GPR158: variants seen among roughly 807,000 people sequenced by gnomAD.
GPR158 encodes the protein G protein-coupled receptor 158.
Under a neutral mutation model 78.2 loss-of-function variants are expected in GPR158, and 30 were observed. The ratio of observed to expected loss-of-function variants is 0.38; its 90% CI spans 0.29 to 0.52. GPR158 has a LOEUF of 0.52. Among genes scored for constraint, GPR158 ranks in the 20% least tolerant of loss-of-function variants. GPR158 has a pLI of 0.83. For synonymous variants in GPR158, 581 were observed against 591.1 expected, an observed-to-expected ratio of 0.98 and a Z score of 0.25; for missense variants, 1,463 against 1,523.5, an observed-to-expected ratio of 0.96 and a Z score of 0.66.
At chr10:25,300,009 C>G (rs772469778) in intron 2 of GPR158, among the ~76,000 whole-genome samples, 1 of 152,138 alleles carries the variant, frequency 6.6e-6, no homozygotes, top group East Asian at 1.9e-4. Context: ...CCACCCACCT[C>G]GGTCTACCAA....
intron 2 of GPR158, among the ~76,000 whole-genome samples, chr10:25,303,332 A>G (rs774807017): frequency 3.3e-5 from 5 of 152,204 alleles, no homozygotes; most frequent in Admixed American, 6.5e-5. Context: ...GGACATTTCC[A>G]TTAGAAAGCT....
intron 4 of GPR158, among the ~76,000 whole-genome samples, chr10:25,414,056 ATC>A (rs72073818): frequency 0.094 from 14,346 of 152,150 alleles, 762 homozygotes; most frequent in East Asian, 0.17. Flanking sequence ...CTTCTCTGAA[ATC>A]TCTCTGATAT....
At chr10:25,252,143 G>A (rs373443272) in intron 2 of GPR158, among the ~76,000 whole-genome samples, 2 of 151,818 alleles carry the variant, frequency 1.3e-5, no homozygotes, top group East Asian at 1.9e-4. Flanking sequence ...CATAGTTCTC[G>A]AGCCTTGGTT....
chr10:25,228,856 C>T (rs1354296587), intron 2 of GPR158, among the ~76,000 whole-genome samples: 1 of 151,644 alleles, frequency 6.6e-6, no homozygotes, highest in African/African-American at 2.4e-5. Flanking sequence ...ACGGTGAAAC[C>T]CCGTCTCTAC....
chr10:25,423,281 T>G (rs1173874289), intron 4 of GPR158, among the ~76,000 whole-genome samples: 2 of 152,054 alleles, frequency 1.3e-5, no homozygotes, highest in Non-Finnish European at 2.9e-5. Flanking sequence ...TGAATTGTGC[T>G]GCTATAAACA....
Position 25,175,249 on chromosome 10 carries a change from G to T in GPR158, c.-172G>T. ...ACTTGATTTCTGCGACGGTAGCTTA[G>T]CCACCCGGGGCCAATCTCGAAACAT... On this transcript the variant is annotated 5_prime_UTR_variant, in exon 1 of 11. Coordinates refer to ENST00000376351, the MANE Select transcript of GPR158 (RefSeq NM_020752.3). The surrounding 1 kb of genome is among the most constrained non-coding windows in gnomAD (Gnocchi z 6.4). The T allele has an allele frequency of 1.9e-6, 1 of 531,580 alleles. No individual in the cohort carries two copies. The highest frequency in any genetic ancestry group is 3.3e-6 in the Non-Finnish European group (1 of 303,318). The allele number at this position is 531,580 out of a possible 1,614,324, so 32.9% of individuals were successfully genotyped here. A position where few individuals can be genotyped will look rare whatever the true frequency, so the allele number is the denominator to read the frequency against.
At chr10:25,581,049 C>A (rs977468201) in intron 7 of GPR158, among the ~76,000 whole-genome samples, 1 of 149,968 alleles carries the variant, frequency 6.7e-6, no homozygotes, top group East Asian at 1.9e-4. Context: ...CTCAGCCTCC[C>A]GAGTAGCTGG....
chr10:25,221,441 C>T (rs945224039), intron 2 of GPR158, among the ~76,000 whole-genome samples: 1 of 152,120 alleles, frequency 6.6e-6, no homozygotes, highest in Non-Finnish European at 1.5e-5. Context: ...TTAAAATAGT[C>T]CTGAGATGAG....
At chr10:25,448,433 C>T (rs1835169697) in intron 4 of GPR158, among the ~76,000 whole-genome samples, 1 of 152,124 alleles carries the variant, frequency 6.6e-6, no homozygotes, top group Non-Finnish European at 1.5e-5. Flanking sequence ...TAATCTCTGT[C>T]TGTTGTGTGC....
chr10:25,532,119 C>G (rs74365524), intron 5 of GPR158, among the ~76,000 whole-genome samples: 6,199 of 152,188 alleles, frequency 0.041, 247 homozygotes, highest in African/African-American at 0.11. Flanking sequence ...GTTTTTGGAA[C>G]CTGTTGTACT....
At chr10:25,373,739 A>G (rs1358509529) in intron 2 of GPR158, among the ~76,000 whole-genome samples, 1 of 151,792 alleles carries the variant, frequency 6.6e-6, no homozygotes, top group Non-Finnish European at 1.5e-5. Context: ...AGGATTCTTT[A>G]GTTATATTTT....
Position 25,253,983 on chromosome 10 carries a change from C to T in GPR158, c.1008+32826C>T, listed in dbSNP as rs926701057. On this transcript the variant is annotated intron_variant, in intron 2 of 10. Coordinates refer to ENST00000376351, the MANE Select transcript of GPR158 (RefSeq NM_020752.3). Reference sequence around the variant, plus strand: ...AACTGTCTCAGTCTAACATAATTAGCATTGTTTAGTTTGCTCTTTCAAATG... The same window carrying T: ...AACTGTCTCAGTCTAACATAATTAGTATTGTTTAGTTTGCTCTTTCAAATG... 3.9e-5 allele frequency among the ~76,000 whole-genome samples: 6 copies of T among 152,256 alleles called. No homozygotes were observed. The East Asian group carries it at 1.2e-3, about 29-fold the overall frequency.
At chr10:25,313,844 T>C (rs1854805856) in intron 2 of GPR158, among the ~76,000 whole-genome samples, 1 of 152,326 alleles carries the variant, frequency 6.6e-6, no homozygotes, top group South Asian at 2.1e-4. Flanking sequence ...ATACTTGCTT[T>C]ATAAACAATT....
intron 2 of GPR158, among the ~76,000 whole-genome samples, chr10:25,306,082 G>T (rs1020387979): frequency 6.6e-6 from 1 of 151,990 alleles, no homozygotes; most frequent in African/African-American, 2.4e-5. Flanking sequence ...GTGTACAGTT[G>T]TTGGCTCCCA....
intron 2 of GPR158, among the ~76,000 whole-genome samples, chr10:25,275,611 C>G (rs2130747624): frequency 6.6e-6 from 1 of 152,274 alleles, no homozygotes; most frequent in South Asian, 2.1e-4. Context: ...TTCCACTCTT[C>G]CTTATTCATC....
intron 5 of GPR158, among the ~76,000 whole-genome samples, chr10:25,521,059 G>C (rs1357127281): frequency 6.6e-6 from 1 of 152,224 alleles, no homozygotes; most frequent in Non-Finnish European, 1.5e-5. Context: ...GTGGGATATA[G>C]TCTCGTGGTG....
chr10:25,585,445 T>C (rs182430471), intron 7 of GPR158, among the ~76,000 whole-genome samples: 1 of 152,362 alleles, frequency 6.6e-6, no homozygotes, highest in East Asian at 1.9e-4. Flanking sequence ...TGAACAATTT[T>C]CTTCTAATTA....
At chr10:25,566,988 T>G (rs749135907) in intron 6 of GPR158, among the ~76,000 whole-genome samples, 9 of 152,174 alleles carry the variant, frequency 5.9e-5, no homozygotes, top group Non-Finnish European at 8.8e-5. Context: ...CTCATACCTT[T>G]TATCACAAAC....
At chr10:25,318,436 G>A (rs374177010) in intron 2 of GPR158, among the ~76,000 whole-genome samples, 2 of 152,060 alleles carry the variant, frequency 1.3e-5, no homozygotes, top group Non-Finnish European at 1.5e-5. Flanking sequence ...TAGGATAGAC[G>A]TTGTGTTTCT....
Sources: gnomAD v4.1 joint callset for allele counts (sites outside exome capture counted in the v4.1 genomes callset) on GRCh38, gnomAD v4.1.1 for gene constraint, Gnocchi (gnomAD v3.1) non-coding constraint, MANE v1.5 for transcripts, NCBI Gene and HGNC (gene_info 2026-07-23, HGNC 2026-07-21) for gene names.